The following ITCH variants were observed in gnomAD, a reference collection of about 807,000 sequenced individuals.
ITCH encodes the protein itchy E3 ubiquitin protein ligase.
A neutral mutation model predicts 126.8 loss-of-function variants in ITCH; 28 were observed. The ratio of observed to expected loss-of-function variants is 0.22; its 90% confidence interval spans 0.16 to 0.30. ITCH has a LOEUF of 0.30. Ranked by LOEUF, ITCH falls within the 10% of genes least tolerant of loss-of-function variation. ITCH has a pLI of 1.00. For missense variants in ITCH, 631 were observed against 1,032.4 expected (o/e 0.61, Z 5.33); for synonymous variants, 342 against 340.0 (o/e 1.01, Z -0.06).
At chr20:34,480,972 T>C (rs1988692708) in intron 19 of ITCH, 94 bp from the exon 20 acceptor site, 1 of 1,259,256 alleles carries the variant, frequency 7.9e-7, no homozygotes, top group Admixed American at 1.8e-5. Flanking sequence ...TAGCTTAATA[T>C]TAATTATTTA....
intron 3 of ITCH, among the ~76,000 whole-genome samples, chr20:34,406,424 C>T (rs1343223373): frequency 1.3e-5 from 2 of 152,104 alleles, no homozygotes; most frequent in Non-Finnish European, 2.9e-5. Context: ...GCACATAAGC[C>T]TAAAAGGATG....
At chr20:34,492,021 T>C (rs1989551655) in intron 22 of ITCH, among the ~76,000 whole-genome samples, 1 of 151,330 alleles carries the variant, frequency 6.6e-6, no homozygotes, top group African/African-American at 2.4e-5. Context: ...GGATGGGGAG[T>C]CACAGGAAGG....
At chr20:34,476,253 A>G (rs2146448874) in intron 16 of ITCH, 1 of 811,938 alleles carries the variant, frequency 1.2e-6, no homozygotes, top group Non-Finnish European at 2.2e-6. Context: ...TTTCACCATC[A>G]CAGTTTATAA....
chr20:34,430,397 G>C (rs951394680), intron 7 of ITCH, among the ~76,000 whole-genome samples: 4 of 152,256 alleles, frequency 2.6e-5, no homozygotes, highest in Admixed American at 2.6e-4. Flanking sequence ...GGACCAGATG[G>C]AGGTTTGCAA....
rs1268043695 is a variant in ITCH, at chr20:34,374,693, C to T, written c.-22+5223C>T. ...TTAAGTGAACTAGGGAATTCATTCC[C>T]CTCCAAGGGAGCAGCTGTTAAAGCA... is the stretch of plus-strand genomic sequence containing the variant. On this transcript the variant is annotated intron_variant, in intron 2 of 24. Coordinates refer to ENST00000374864, the MANE Select transcript of ITCH (RefSeq NM_031483.7). 2.0e-5 allele frequency among the ~76,000 whole-genome samples: 3 copies of T among 151,978 alleles called. No homozygotes were observed. The East Asian group carries it at 5.8e-4, about 29-fold the overall frequency.
intron 23 of ITCH, among the ~76,000 whole-genome samples, chr20:34,500,910 G>A (rs777962753): frequency 2.0e-5 from 3 of 152,126 alleles, no homozygotes; most frequent in Non-Finnish European, 2.9e-5. Flanking sequence ...TCCAGATGTG[G>A]GAGTCCGTTG....
chr20:34,492,361 C>T, intron 22 of ITCH, 140 bp from the exon 23 acceptor site: 2 of 585,796 alleles, frequency 3.4e-6, no homozygotes, highest in Non-Finnish European at 6.1e-6. Flanking sequence ...TGCATCACTG[C>T]ACCCCAGCCT....
chr20:34,469,504 G>C (rs992804334), intron 14 of ITCH, among the ~76,000 whole-genome samples: 3 of 151,914 alleles, frequency 2.0e-5, no homozygotes, highest in Non-Finnish European at 4.4e-5. Context: ...TGGTCAGGCT[G>C]GTCTCAAACT....
chr20:34,498,818 G>A (rs1990051069), intron 23 of ITCH, among the ~76,000 whole-genome samples: 1 of 151,412 alleles, frequency 6.6e-6, no homozygotes, highest in African/African-American at 2.4e-5. Flanking sequence ...TCCTTGTCTA[G>A]TTTTGGTATC....
At chr20:34,389,471 G>A (rs972502286) in intron 2 of ITCH, among the ~76,000 whole-genome samples, 3 of 152,102 alleles carry the variant, frequency 2.0e-5, no homozygotes, top group Non-Finnish European at 2.9e-5. Flanking sequence ...GCAGATTTTA[G>A]TCACTAATTT....
chr20:34,399,474 A>T (rs1476508379), intron 3 of ITCH, among the ~76,000 whole-genome samples: 1 of 152,186 alleles, frequency 6.6e-6, no homozygotes, highest in Non-Finnish European at 1.5e-5. Context: ...CAGGAAAAAG[A>T]GATCAGTATT....
chr20:34,366,065 T>C (rs761741197), intron 1 of ITCH, among the ~76,000 whole-genome samples: 1 of 151,098 alleles, frequency 6.6e-6, no homozygotes, highest in Non-Finnish European at 1.5e-5. Context: ...ACATGAAGAG[T>C]AGGAGTGTGA....
intron 8 of ITCH, among the ~76,000 whole-genome samples, chr20:34,439,013 C>G (rs1426161941): frequency 6.6e-6 from 1 of 152,046 alleles, no homozygotes; most frequent in East Asian, 1.9e-4. Flanking sequence ...AACGAAAACC[C>G]AACAATGCTA....
intron 2 of ITCH, among the ~76,000 whole-genome samples, chr20:34,378,053 T>A (rs1335107857): frequency 6.6e-6 from 1 of 152,086 alleles, no homozygotes; most frequent in East Asian, 1.9e-4. Flanking sequence ...ACCTGGGAAG[T>A]TATTCCTCAT....
At position 34,393,816 on chromosome 20, in the gene ITCH, C is replaced by A; in HGVS notation, c.5C>A (p.Ser2Tyr). M[S>Y]DSGSQLGSMG... ...GTTTTCCAACCTATTGGTGGTATGT[C>A]TGACAGTGGATCACAACTTGGTTCA... Residue 2 changes from serine to tyrosine, a missense_variant, in exon 3 of 25, where the codon TCT becomes TAT. This residue lies in a region of ITCH where 19 missense variants were observed against 17.5 expected (regional missense o/e 1.08). Coordinates refer to ENST00000374864, the MANE Select transcript of ITCH (RefSeq NM_031483.7). The A allele has an allele frequency of 6.2e-7, 1 of 1,613,072 alleles. No individual in the cohort carries two copies. Among genetic ancestry groups the A allele is most frequent in the Non-Finnish European group, 8.5e-7 (1 of 1,179,030 alleles).
intron 11 of ITCH, among the ~76,000 whole-genome samples, chr20:34,448,253 C>T (rs1419692181): frequency 6.6e-6 from 1 of 151,938 alleles, no homozygotes; most frequent in Admixed American, 6.6e-5. Flanking sequence ...GTTAGCTGGG[C>T]GTGGTGGCGC....
chr20:34,486,882 G>A (rs923849062), intron 20 of ITCH, among the ~76,000 whole-genome samples: 3 of 151,024 alleles, frequency 2.0e-5, no homozygotes, highest in Non-Finnish European at 3.0e-5. Context: ...GGGTTTCACC[G>A]TGTTGCCCAG....
chr20:34,500,320 TATA>T (rs1990168453), intron 23 of ITCH, among the ~76,000 whole-genome samples: 1 of 152,228 alleles, frequency 6.6e-6, no homozygotes, highest in African/African-American at 2.4e-5. Flanking sequence ...TCCCTTTTAA[TATA>T]ATAATATTTC....
chr20:34,479,846 T>C, intron 18 of ITCH, 57 bp downstream of exon 18: 1 of 1,460,228 alleles, frequency 6.8e-7, no homozygotes, highest in Non-Finnish European at 9.6e-7. Flanking sequence ...CTAAATTTTC[T>C]CTTAGGTGCC....
Sources: gnomAD v4.1 joint callset for allele counts (sites outside exome capture counted in the v4.1 genomes callset) on GRCh38, gnomAD v4.1.1 for gene constraint, gnomAD v4.1.1 regional missense constraint, MANE v1.5 for transcripts, NCBI Gene and HGNC (gene_info 2026-07-23, HGNC 2026-07-21) for gene names.